Variants in ANKS1B observed in about 807,000 individuals in gnomAD.
The protein encoded by ANKS1B is ankyrin repeat and sterile alpha motif domain-containing protein 1B.
ANKS1B carries 36 observed loss-of-function variants against 148.3 expected under a neutral mutation model. The ratio of observed to expected loss-of-function variants is 0.24; its 90% CI spans 0.19 to 0.32. The LOEUF (loss-of-function observed/expected upper bound fraction) is 0.32, where lower values mean the gene tolerates loss of function less well. Among genes scored for constraint, ANKS1B ranks in the 10% least tolerant of loss-of-function variants. ANKS1B has a pLI of 1.00. For synonymous variants in ANKS1B, 542 were observed against 560.8 expected (o/e 0.97, Z 0.47); for missense variants, 1,157 against 1,542.6 (o/e 0.75, Z 4.19).
intron 15 of ANKS1B, among the ~76,000 whole-genome samples, chr12:99,118,349 A>T (rs533922240): frequency 6.6e-6 from 1 of 152,206 alleles, no homozygotes; most frequent in Non-Finnish European, 1.5e-5. Flanking sequence ...AAAACTAAAA[A>T]GTTTTAAATT....
At chr12:99,618,328 A>T (rs2097997574) in intron 9 of ANKS1B, among the ~76,000 whole-genome samples, 1 of 152,206 alleles carries the variant, frequency 6.6e-6, no homozygotes, top group Non-Finnish European at 1.5e-5. Context: ...ATGTTCATGG[A>T]TTGAAAGAAT....
chr12:98,957,906 T>A (rs1251596265), intron 17 of ANKS1B, among the ~76,000 whole-genome samples: 1 of 152,138 alleles, frequency 6.6e-6, no homozygotes, highest in African/African-American at 2.4e-5. Context: ...CTTCCTAATC[T>A]GCCCTCAGTT....
At chr12:99,479,887 T>C (rs1241544598) in intron 10 of ANKS1B, among the ~76,000 whole-genome samples, 6 of 151,920 alleles carry the variant, frequency 3.9e-5, no homozygotes, top group Middle Eastern at 3.2e-3. Flanking sequence ...ATTTTAAATT[T>C]TAAATGTTCT....
chr12:99,006,941 G>T (rs188158723), intron 17 of ANKS1B, among the ~76,000 whole-genome samples: 1 of 151,966 alleles, frequency 6.6e-6, no homozygotes, highest in Non-Finnish European at 1.5e-5. Flanking sequence ...AGCTAACCCC[G>T]GAGCCTACAT....
chr12:98,917,771 T>C (rs757229965), intron 17 of ANKS1B, among the ~76,000 whole-genome samples: 5 of 152,066 alleles, frequency 3.3e-5, no homozygotes, highest in Admixed American at 6.6e-5. Context: ...ACAAATGGGA[T>C]TTGGGAGAAT....
intron 14 of ANKS1B, among the ~76,000 whole-genome samples, chr12:99,184,907 A>G (rs540526045): frequency 6.6e-6 from 1 of 152,360 alleles, no homozygotes; most frequent in African/African-American, 2.4e-5. Flanking sequence ...ATGGAAATTG[A>G]TGAAAAATTC....
intron 17 of ANKS1B, among the ~76,000 whole-genome samples, chr12:98,978,089 A>G (rs1423388650): frequency 6.6e-6 from 1 of 152,008 alleles, no homozygotes; most frequent in Non-Finnish European, 1.5e-5. Context: ...TTTTTCAGAG[A>G]CAGCATATAG....
At chr12:99,031,183 T>C (rs151095842) in intron 17 of ANKS1B, among the ~76,000 whole-genome samples, 2 of 152,358 alleles carry the variant, frequency 1.3e-5, no homozygotes, top group South Asian at 2.1e-4. Context: ...TAAGGAAAGT[T>C]TGGAAATCAT....
At chr12:99,129,095 C>T (rs1261714091) in intron 15 of ANKS1B, among the ~76,000 whole-genome samples, 2 of 152,090 alleles carry the variant, frequency 1.3e-5, no homozygotes, top group Non-Finnish European at 2.9e-5. Context: ...AGAGGAGGTC[C>T]AGTCTGAGGG....
At chr12:99,075,669 C>T (rs2047606206) in intron 16 of ANKS1B, among the ~76,000 whole-genome samples, 1 of 151,908 alleles carries the variant, frequency 6.6e-6, no homozygotes, top group Non-Finnish European at 1.5e-5. Flanking sequence ...TGATCTTTTA[C>T]AGTCTTTCAG....
intron 11 of ANKS1B, among the ~76,000 whole-genome samples, chr12:99,438,356 A>G (rs1384850401): frequency 6.6e-6 from 1 of 151,904 alleles, no homozygotes; most frequent in East Asian, 1.9e-4. Flanking sequence ...TTTACGAATG[A>G]GAATAAAATC....
At chr12:98,992,003 G>A (rs2099926867) in intron 17 of ANKS1B, among the ~76,000 whole-genome samples, 1 of 152,148 alleles carries the variant, frequency 6.6e-6, no homozygotes, top group Admixed American at 6.5e-5. Flanking sequence ...AGTGACAGAT[G>A]GATGGCACAG....
At chr12:99,322,320 CAG>C (rs1491438674) in intron 12 of ANKS1B, among the ~76,000 whole-genome samples, 1 of 151,748 alleles carries the variant, frequency 6.6e-6, no homozygotes, top group Non-Finnish European at 1.5e-5. Flanking sequence ...CACATGGACA[CAG>C]GGGGGTGAAC....
chr12:99,792,762 A>C (rs920253504), intron 4 of ANKS1B, among the ~76,000 whole-genome samples: 1 of 152,048 alleles, frequency 6.6e-6, no homozygotes, highest in African/African-American at 2.4e-5. Context: ...GAAAACTGAA[A>C]GCCTTTCCTC....
intron 16 of ANKS1B, among the ~76,000 whole-genome samples, chr12:99,060,033 G>A (rs554733397): frequency 6.6e-6 from 1 of 152,184 alleles, no homozygotes; most frequent in South Asian, 2.1e-4. Flanking sequence ...TCTATAATCT[G>A]AGAGGCAGAG....
intron 17 of ANKS1B, among the ~76,000 whole-genome samples, chr12:98,872,037 A>G (rs1353255798): frequency 6.6e-6 from 1 of 152,218 alleles, no homozygotes; most frequent in Non-Finnish European, 1.5e-5. Flanking sequence ...AAACATTGTA[A>G]TAGTTTTCTG....
At chr12:99,044,096 T>C (rs1313974545) in intron 17 of ANKS1B, among the ~76,000 whole-genome samples, 1 of 152,238 alleles carries the variant, frequency 6.6e-6, no homozygotes, top group Non-Finnish European at 1.5e-5. Context: ...TATGGAGTAC[T>C]TTTGCTTTTG....
chr12:99,913,525 G>A (rs955222739), intron 1 of ANKS1B, among the ~76,000 whole-genome samples: 5 of 151,936 alleles, frequency 3.3e-5, no homozygotes, highest in African/African-American at 9.7e-5. Flanking sequence ...CTTTCATCAC[G>A]CTAACAAGAA....
chr12:98,913,254 A>G (rs1385654469), intron 17 of ANKS1B, among the ~76,000 whole-genome samples: 2 of 152,082 alleles, frequency 1.3e-5, no homozygotes, highest in African/African-American at 2.4e-5. Context: ...CCATGTAACA[A>G]TGTACCAATC....
Sources: allele counts gnomAD v4.1 joint callset (sites outside exome capture counted in the v4.1 genomes callset), GRCh38; gene constraint gnomAD v4.1.1; transcripts MANE v1.5; gene names NCBI Gene and HGNC (gene_info 2026-07-23, HGNC 2026-07-21).